ATXN1: variants seen among roughly 807,000 people sequenced by gnomAD.
The protein encoded by ATXN1 is ataxin 1, also known as ataxin-1.
ATXN1 carries 8 observed loss-of-function variants against 56.4 expected under a neutral mutation model. The observed-to-expected ratio is 0.14, with a 90% CI of 0.08 to 0.26. The LOEUF is 0.26. Ranked by LOEUF, ATXN1 falls within the 10% of genes least tolerant of loss-of-function variation. ATXN1 has a pLI of 1.00. For missense variants in ATXN1, 987 were observed against 1,106.5 expected (o/e 0.89, Z 1.53); for synonymous variants, 514 against 494.6 (o/e 1.04, Z -0.52).
At chr6:16,508,755 G>C (rs1761026490) in intron 5 of ATXN1, among the ~76,000 whole-genome samples, 1 of 152,146 alleles carries the variant, frequency 6.6e-6, no homozygotes. Context: ...ACGTGATCCA[G>C]CAATTCCATT....
intron 5 of ATXN1, among the ~76,000 whole-genome samples, chr6:16,505,632 A>G (rs1760969948): frequency 6.6e-6 from 1 of 152,210 alleles, no homozygotes; most frequent in Non-Finnish European, 1.5e-5. Flanking sequence ...TTGTTCCTTA[A>G]AACAACCTGC....
Position 16,760,136 on chromosome 6 carries a change from A to AGGC in ATXN1, c.-730+1159_-730+1161dup, listed in dbSNP as rs1761033088. ...CGCAGCACTGGAACCACGTAGGAGG[A>AGGC]GGCGGCGGCGCCCCCGGGAGTGGCA... On this transcript the variant is annotated intron_variant, in intron 1 of 7. Coordinates refer to ENST00000436367, the MANE Select transcript of ATXN1 (RefSeq NM_001128164.2). The surrounding 1 kb of genome is among the most constrained non-coding windows in gnomAD (Gnocchi z 5.3). Among the ~76,000 whole-genome samples, 2 of 151,724 alleles carry AGGC rather than the reference A, an allele frequency of 1.3e-5. No individual in the cohort carries two copies. Among genetic ancestry groups the AGGC allele is most frequent in the Non-Finnish European group, 2.9e-5 (2 of 67,890 alleles).
intron 4 of ATXN1, among the ~76,000 whole-genome samples, chr6:16,556,882 A>G (rs1762023703): frequency 6.6e-6 from 1 of 152,254 alleles, no homozygotes; most frequent in South Asian, 2.1e-4. Flanking sequence ...TATTAATTAG[A>G]GAATTCTGTA....
At chr6:16,323,289 CG>C (rs1561849918) in intron 7 of ATXN1, among the ~76,000 whole-genome samples, 1 of 152,032 alleles carries the variant, frequency 6.6e-6, no homozygotes, top group African/African-American at 2.4e-5. Flanking sequence ...GAGGCTGAGG[CG>C]GGTGAATCAC....
At chr6:16,634,560 C>T (rs999028878) in intron 3 of ATXN1, among the ~76,000 whole-genome samples, 2 of 152,288 alleles carry the variant, frequency 1.3e-5, no homozygotes, top group Admixed American at 1.3e-4. Flanking sequence ...ACCCTGTGTA[C>T]ATTAGCAGTC....
intron 5 of ATXN1, among the ~76,000 whole-genome samples, chr6:16,499,149 T>C (rs556326290): frequency 2.0e-4 from 31 of 152,326 alleles, no homozygotes; most frequent in Admixed American, 7.2e-4. Flanking sequence ...ATTTAGGGTA[T>C]TGATCCATTT....
At chr6:16,512,635 G>A (rs1056357482) in intron 5 of ATXN1, among the ~76,000 whole-genome samples, 2 of 152,156 alleles carry the variant, frequency 1.3e-5, no homozygotes, top group Non-Finnish European at 2.9e-5. Flanking sequence ...GAAATAGAAT[G>A]GGCTGAACAA....
intron 1 of ATXN1, 64 bp from the exon 2 acceptor site, chr6:16,753,411 A>T: frequency 2.2e-6 from 1 of 452,764 alleles, no homozygotes; most frequent in Non-Finnish European, 4.4e-6. Context: ...GACTGCTTTA[A>T]AAAATAAGTC....
intron 6 of ATXN1, among the ~76,000 whole-genome samples, chr6:16,418,125 A>G (rs1758954059): frequency 6.6e-6 from 1 of 152,256 alleles, no homozygotes; most frequent in Admixed American, 6.5e-5. Context: ...GAGCTACGAA[A>G]AGATATTTGG....
chr6:16,749,785 C>T lies in ATXN1; in HGVS notation c.-615+3448G>A, dbSNP rs1042202302. Among the ~76,000 whole-genome samples, 4 of 152,346 alleles carry T rather than the reference C, an allele frequency of 2.6e-5. No homozygotes were observed. The South Asian group carries it at 8.3e-4, about 32-fold the overall frequency. ...ATTCAGTCATCCCCCTCCTGGGTGT[C>T]AAACTTTTTGCCAGGCCCAAGAACC... On this transcript the variant is annotated intron_variant, in intron 2 of 7. Transcript: ENST00000436367.
chr6:16,375,069 G>GTTC (rs894541971), intron 6 of ATXN1, among the ~76,000 whole-genome samples: 5 of 152,144 alleles, frequency 3.3e-5, no homozygotes, highest in African/African-American at 4.8e-5. Context: ...AGTGCTGCAG[G>GTTC]GTGAAGACAA....
chr6:16,614,585 A>G (rs1211865373), intron 3 of ATXN1, among the ~76,000 whole-genome samples: 1 of 151,614 alleles, frequency 6.6e-6, no homozygotes. Flanking sequence ...ATCTACCACA[A>G]ACCAGTAGCC....
At chr6:16,739,551 C>A (rs1760258427) in intron 2 of ATXN1, 3 of 280,178 alleles carry the variant, frequency 1.1e-5, no homozygotes, top group South Asian at 1.0e-4. Flanking sequence ...TGTAAAGACT[C>A]CCCAAGAGCT....
At chr6:16,427,833 A>C (rs954594021) in intron 6 of ATXN1, among the ~76,000 whole-genome samples, 2 of 152,206 alleles carry the variant, frequency 1.3e-5, no homozygotes, top group Non-Finnish European at 1.5e-5. Context: ...AAGATGATTG[A>C]AAATGTATTC....
chr6:16,754,903 C>G (rs1167015541), intron 1 of ATXN1, among the ~76,000 whole-genome samples: 1 of 152,104 alleles, frequency 6.6e-6, no homozygotes, highest in Non-Finnish European at 1.5e-5. Context: ...AATCTTAGTA[C>G]TTCTTTAAGG....
intron 2 of ATXN1, among the ~76,000 whole-genome samples, chr6:16,704,737 A>C (rs679716): frequency 0.7 from 105,960 of 151,904 alleles, 36,979 homozygotes; most frequent in East Asian, 0.78. Flanking sequence ...TGCAAGTGTG[A>C]TGCCCAAGGA....
chr6:16,552,867 T>C (rs1442058454), intron 4 of ATXN1, among the ~76,000 whole-genome samples: 1 of 152,202 alleles, frequency 6.6e-6, no homozygotes, highest in Non-Finnish European at 1.5e-5. Context: ...TAAATTCTAC[T>C]CCAGAGCAAC....
chr6:16,335,406 G>T (rs753188515), intron 6 of ATXN1, among the ~76,000 whole-genome samples: 1 of 152,150 alleles, frequency 6.6e-6, no homozygotes, highest in Non-Finnish European at 1.5e-5. Flanking sequence ...CAACGCGCTC[G>T]GGTTTCCCTT....
chr6:16,641,872 C>T (rs1054955759), intron 3 of ATXN1, among the ~76,000 whole-genome samples: 1 of 152,126 alleles, frequency 6.6e-6, no homozygotes, highest in Non-Finnish European at 1.5e-5. Context: ...GGGAAGAGGT[C>T]AAAATATCAA....
Sources: gnomAD v4.1 joint callset for allele counts (sites outside exome capture counted in the v4.1 genomes callset) on GRCh38, gnomAD v4.1.1 for gene constraint, Gnocchi (gnomAD v3.1) non-coding constraint, MANE v1.5 for transcripts, NCBI Gene and HGNC (gene_info 2026-07-23, HGNC 2026-07-21) for gene names.